The following OR56A3 variants were observed in gnomAD, a reference collection of about 807,000 sequenced individuals.
OR56A3 encodes the protein olfactory receptor family 56 subfamily A member 3, also known as olfactory receptor 56A3.
A neutral mutation model predicts 17.5 loss-of-function variants in OR56A3; 23 were observed. The ratio of observed to expected loss-of-function variants is 1.32; its 90% CI spans 0.95 to 1.87. The LOEUF (loss-of-function observed/expected upper bound fraction) is 1.87, where lower values mean the gene tolerates loss of function less well. Among genes scored for constraint, OR56A3 ranks in the 40% most tolerant of loss-of-function variants. The pLI is 0.00. For missense variants in OR56A3, 366 were observed against 380.1 expected, an observed-to-expected ratio of 0.96 and a Z score of 0.31; for synonymous variants, 175 against 150.6, an observed-to-expected ratio of 1.16 and a Z score of -1.19.
chr11:5,986,064 A>G, the OR56A3 span: 20,809 of 1,613,964 alleles, frequency 0.013, 165 homozygotes, highest in Non-Finnish European at 0.016. Context: ...GAACATGGAC[A>G]TGATGGGGTA....
At chr11:5,960,759 A>T in the OR56A3 span, among the ~76,000 whole-genome samples, 1 of 135,222 alleles carries the variant, frequency 7.4e-6, no homozygotes, top group Non-Finnish European at 1.6e-5. Flanking sequence ...CCGGCAGCCC[A>T]GTCTGGGAAG....
the OR56A3 span, chr11:6,002,002 T>C: frequency 2.2e-5 from 32 of 1,480,868 alleles, no homozygotes; most frequent in Non-Finnish European, 2.3e-5. Flanking sequence ...ATTTCCCAAT[T>C]TTCACTAACA....
Position 5,948,286 on chromosome 11 carries a change from G to T in OR56A3, c.940G>T (p.Gly314Trp), listed in dbSNP as rs1170517785. The change falls in exon 3 of 3, where the codon GGG (glycine) becomes TGG (tryptophan). Residue 314 changes from glycine (G) to tryptophan (W), a missense_variant. By Grantham distance (184) the Gly-to-Trp change is radical. Coordinates refer to ENST00000641160, the MANE Select transcript of OR56A3 (RefSeq NM_001003443.3). ...GGGAATGCAGAGGTTGTTGAAGAAA[G>T]GGTGCTAACAAGGACCACTGGATCT... ...KQGMQRLLKK[G>W]C 6.2e-7 allele frequency: 1 copy of T among 1,611,418 alleles called. No homozygotes were observed. Among genetic ancestry groups the T allele is most frequent in the Non-Finnish European group, 8.5e-7 (1 of 1,177,636 alleles).
At chr11:6,003,332 A>G in the OR56A3 span, 1 of 478,398 alleles carries the variant, frequency 2.1e-6, no homozygotes. Flanking sequence ...GCAGTTTAAA[A>G]ACCAGCAATC....
At chr11:5,960,779 C>T in the OR56A3 span, among the ~76,000 whole-genome samples, 4 of 150,674 alleles carry the variant, frequency 2.7e-5, no homozygotes, top group Non-Finnish European at 5.9e-5. Context: ...GTGAGGAATG[C>T]GTCTTCCCGG....
the OR56A3 span, chr11:5,967,762 C>T: frequency 6.2e-7 from 1 of 1,601,824 alleles, no homozygotes; most frequent in Non-Finnish European, 8.5e-7. Flanking sequence ...AAGTGGGAAC[C>T]ACAAGTACCT....
the OR56A3 span, among the ~76,000 whole-genome samples, chr11:5,962,333 G>C: frequency 6.6e-6 from 1 of 152,194 alleles, no homozygotes; most frequent in East Asian, 1.9e-4. Context: ...TTTCATCAGG[G>C]ATGTTGGCCT....
At chr11:5,967,814 A>G in the OR56A3 span, 2 of 1,568,844 alleles carry the variant, frequency 1.3e-6, no homozygotes, top group South Asian at 2.3e-5. Flanking sequence ...TCCTTAGCAC[A>G]GTTTTCAAGA....
downstream of OR56A3, among the ~76,000 whole-genome samples, chr11:5,955,407 C>T (rs4453216): frequency 6.6e-6 from 1 of 151,832 alleles, no homozygotes; most frequent in Non-Finnish European, 1.5e-5. Flanking sequence ...TCTACAGCAA[C>T]CTGAATTCTT....
the OR56A3 span, among the ~76,000 whole-genome samples, chr11:5,979,338 C>T: frequency 6.6e-6 from 1 of 151,468 alleles, no homozygotes; most frequent in African/African-American, 2.4e-5. Context: ...TCTGTGAGTC[C>T]ATATGATCTA....
the OR56A3 span, among the ~76,000 whole-genome samples, chr11:6,005,285 G>A: frequency 1.9e-4 from 29 of 152,308 alleles, no homozygotes; most frequent in East Asian, 1.7e-3. Flanking sequence ...GTAACATTTC[G>A]TGGGGGAGAA....
At chr11:5,997,700 G>A in the OR56A3 span, among the ~76,000 whole-genome samples, 29 of 152,272 alleles carry the variant, frequency 1.9e-4, no homozygotes, top group African/African-American at 6.7e-4. Context: ...AATATTTCTA[G>A]ACTTAGGAGA....
the OR56A3 span, among the ~76,000 whole-genome samples, chr11:5,960,732 G>T: frequency 6.6e-6 from 1 of 152,040 alleles, no homozygotes; most frequent in East Asian, 1.9e-4. Flanking sequence ...CGTCTGGGAT[G>T]TGAGGAGCCC....
the OR56A3 span, chr11:5,994,494 G>C: frequency 1.3e-6 from 1 of 771,460 alleles, no homozygotes; most frequent in Non-Finnish European, 2.3e-6. Context: ...ATCTGAGCTT[G>C]TAGGCCTTTT....
chr11:5,971,057 C>T, the OR56A3 span, among the ~76,000 whole-genome samples: 2 of 152,138 alleles, frequency 1.3e-5, no homozygotes, highest in African/African-American at 4.8e-5. Flanking sequence ...GAGCTGTGGG[C>T]CAGAGGTAGA....
At chr11:6,013,223 A>C in the OR56A3 span, among the ~76,000 whole-genome samples, 2 of 152,204 alleles carry the variant, frequency 1.3e-5, no homozygotes, top group Non-Finnish European at 2.9e-5. Context: ...AGCCTCAGCC[A>C]CATCCCCTCA....
At chr11:5,978,766 G>A in the OR56A3 span, among the ~76,000 whole-genome samples, 1 of 152,116 alleles carries the variant, frequency 6.6e-6, no homozygotes, top group African/African-American at 2.4e-5. Flanking sequence ...AATAGGAGTG[G>A]TAAGAATGGG....
chr11:5,947,425 T>G lies in OR56A3; in HGVS notation c.79T>G (p.Trp27Gly). Residue 27 changes from tryptophan to glycine, a missense_variant, in exon 3 of 3, where the codon TGG becomes GGG. By Grantham distance (184) the Trp-to-Gly change is radical. Coordinates refer to ENST00000641160, the MANE Select transcript of OR56A3 (RefSeq NM_001003443.3). ...LLNCFVRSPS[W>G]QHWLSLPLSL... ...GAATTGTTTTGTCAGATCCCCCAGC[T>G]GGCAGCACTGGCTGTCCCTGCCCCT... 2 of 1,614,240 alleles carry G rather than the reference T, an allele frequency of 1.2e-6. No individual in the cohort carries two copies. The highest frequency in any genetic ancestry group is 3.3e-4 in the Middle Eastern group (2 of 6,062).
At chr11:5,964,215 C>G in the OR56A3 span, among the ~76,000 whole-genome samples, 1 of 152,208 alleles carries the variant, frequency 6.6e-6, no homozygotes, top group South Asian at 2.1e-4. Context: ...TTATACATCT[C>G]CATGTCTTCA....
Sources: allele counts gnomAD v4.1 joint callset (sites outside exome capture counted in the v4.1 genomes callset), GRCh38; gene constraint gnomAD v4.1.1; transcripts MANE v1.5; gene names NCBI Gene and HGNC (gene_info 2026-07-23, HGNC 2026-07-21).